Variants in L3MBTL4 observed in about 807,000 individuals in gnomAD.
L3MBTL4 encodes the protein L3MBTL histone methyl-lysine binding protein 4.
A neutral mutation model predicts 84.5 loss-of-function variants in L3MBTL4; 70 were observed. The observed-to-expected ratio is 0.83, with a 90% CI of 0.68 to 1.01. The LOEUF (loss-of-function observed/expected upper bound fraction) is 1.01, where lower values mean the gene tolerates loss of function less well. L3MBTL4 is among the 50% of genes least tolerant of loss of function. The pLI is 0.00. For synonymous variants in L3MBTL4, 274 were observed against 259.8 expected, an observed-to-expected ratio of 1.05 and a Z score of -0.52; for missense variants, 715 against 754.8, an observed-to-expected ratio of 0.95 and a Z score of 0.62.
chr18:6,006,487 G>C (rs2054493544), intron 16 of L3MBTL4, among the ~76,000 whole-genome samples: 1 of 152,160 alleles, frequency 6.6e-6, no homozygotes, highest in Admixed American at 6.5e-5. Context: ...GTAAAATCTG[G>C]TGTGAAGGGG....
chr18:6,350,827 T>C (rs2053147597), intron 1 of L3MBTL4, among the ~76,000 whole-genome samples: 1 of 152,184 alleles, frequency 6.6e-6, no homozygotes, highest in African/African-American at 2.4e-5. Flanking sequence ...ACAACCTACA[T>C]GTCCATTATG....
At chr18:6,222,648 C>T (rs1269502198) in intron 10 of L3MBTL4, among the ~76,000 whole-genome samples, 1 of 152,158 alleles carries the variant, frequency 6.6e-6, no homozygotes, top group Non-Finnish European at 1.5e-5. Context: ...TCATATTCCA[C>T]TGAGTGACAC....
At chr18:6,331,797 C>G (rs1340973740) in intron 1 of L3MBTL4, among the ~76,000 whole-genome samples, 2 of 151,998 alleles carry the variant, frequency 1.3e-5, no homozygotes, top group Admixed American at 1.3e-4. Context: ...AATAAGTTTA[C>G]TTTTTAGAAG....
intron 14 of L3MBTL4, among the ~76,000 whole-genome samples, chr18:6,114,686 C>CT (rs1368228503): frequency 1.3e-5 from 2 of 152,084 alleles, no homozygotes; most frequent in Admixed American, 6.6e-5. Flanking sequence ...TATCTGAAAC[C>CT]TTTTTTCCAT....
At chr18:6,109,517 A>T (rs140829581) in intron 14 of L3MBTL4, among the ~76,000 whole-genome samples, 1 of 152,100 alleles carries the variant, frequency 6.6e-6, no homozygotes. Context: ...CTAATAGGCT[A>T]CATGCTCTTC....
intron 16 of L3MBTL4, among the ~76,000 whole-genome samples, chr18:6,061,492 A>G (rs1027485499): frequency 6.6e-6 from 1 of 152,010 alleles, no homozygotes; most frequent in African/African-American, 2.4e-5. Context: ...TAGTTTTAAT[A>G]AAGTCCAACT....
chr18:5,974,578 C>T (rs551224234), intron 16 of L3MBTL4, among the ~76,000 whole-genome samples: 31 of 152,310 alleles, frequency 2.0e-4, no homozygotes, highest in African/African-American at 7.0e-4. Flanking sequence ...TTGTGGACAG[C>T]GTGTGACCTA....
chr18:6,291,101 T>G (rs1046144039), intron 4 of L3MBTL4, among the ~76,000 whole-genome samples: 5 of 152,174 alleles, frequency 3.3e-5, no homozygotes, highest in African/African-American at 1.2e-4. Context: ...GTAGACAGCT[T>G]TTCTCAAGAT....
At chr18:6,077,043 G>A (rs1200050859) in intron 16 of L3MBTL4, among the ~76,000 whole-genome samples, 1 of 152,128 alleles carries the variant, frequency 6.6e-6, no homozygotes, top group African/African-American at 2.4e-5. Flanking sequence ...AGCAGGTTCT[G>A]TCCCATTCTC....
At position 6,244,448 on chromosome 18, in the gene L3MBTL4, A is replaced by G. The variant is rs748650241; in HGVS notation, c.324+36T>C. The G allele has an allele frequency of 2.4e-6, 3 of 1,262,066 alleles. No homozygotes were observed. The South Asian group carries it at 3.9e-5, about 16-fold the overall frequency. 78.2% of individuals were successfully genotyped at this position (1,262,066 alleles called of 1,614,324 possible). On this transcript the variant is annotated intron_variant, in intron 6 of 18. Transcript: ENST00000317931. ...TCTAGAAAATTATCTTTCTGTCACTAGGCAATTAGCCCAAGACAGTAACAC... is the reference window on the plus strand; with the variant it reads ...TCTAGAAAATTATCTTTCTGTCACTGGGCAATTAGCCCAAGACAGTAACAC...
chr18:6,404,773 G>T (rs1489965986), intron 1 of L3MBTL4, among the ~76,000 whole-genome samples: 3 of 152,200 alleles, frequency 2.0e-5, no homozygotes, highest in Non-Finnish European at 4.4e-5. Context: ...TGCTGCCTCG[G>T]TCTCCTGGGC....
chr18:6,030,022 G>A (rs981995617), intron 16 of L3MBTL4: 6 of 985,308 alleles, frequency 6.1e-6, no homozygotes, highest in African/African-American at 1.7e-5. Context: ...GCAGGGACTG[G>A]TCACTTATAG....
chr18:6,176,333 C>T (rs971458880), intron 12 of L3MBTL4, among the ~76,000 whole-genome samples: 1 of 152,046 alleles, frequency 6.6e-6, no homozygotes, highest in African/African-American at 2.4e-5. Flanking sequence ...TTATTAGGAC[C>T]ATGTTGTACT....
chr18:5,985,021 T>G (rs900202029), intron 16 of L3MBTL4, among the ~76,000 whole-genome samples: 8 of 151,900 alleles, frequency 5.3e-5, no homozygotes, highest in African/African-American at 1.9e-4. Flanking sequence ...AACAGCACTA[T>G]GGGAAGGAGG....
intron 13 of L3MBTL4, among the ~76,000 whole-genome samples, chr18:6,158,468 G>A (rs1191752542): frequency 6.6e-6 from 1 of 152,050 alleles, no homozygotes; most frequent in Non-Finnish European, 1.5e-5. Flanking sequence ...AAGAGTTTGT[G>A]TTCACCAATT....
chr18:6,218,413 C>T (rs1164552938), intron 10 of L3MBTL4, among the ~76,000 whole-genome samples: 1 of 152,120 alleles, frequency 6.6e-6, no homozygotes, highest in African/African-American at 2.4e-5. Context: ...GCTTCTTCAC[C>T]CAGGCACCTG....
intron 16 of L3MBTL4, among the ~76,000 whole-genome samples, chr18:6,017,245 T>C (rs2055033312): frequency 6.6e-6 from 1 of 152,170 alleles, no homozygotes; most frequent in African/African-American, 2.4e-5. Context: ...GCAAAATGGA[T>C]TTAAATGCAG....
At chr18:6,014,386 T>C (rs2054868108) in intron 16 of L3MBTL4, among the ~76,000 whole-genome samples, 1 of 152,194 alleles carries the variant, frequency 6.6e-6, no homozygotes, top group Admixed American at 6.5e-5. Flanking sequence ...AAATTGTTAC[T>C]GAGCACACAA....
At chr18:6,187,428 T>C (rs541110033) in intron 12 of L3MBTL4, among the ~76,000 whole-genome samples, 1 of 152,218 alleles carries the variant, frequency 6.6e-6, no homozygotes, top group Non-Finnish European at 1.5e-5. Flanking sequence ...AAAATCTATG[T>C]TTCTATTTAC....
Sources: allele counts gnomAD v4.1 joint callset (sites outside exome capture counted in the v4.1 genomes callset), GRCh38; gene constraint gnomAD v4.1.1; transcripts MANE v1.5; gene names NCBI Gene and HGNC (gene_info 2026-07-23, HGNC 2026-07-21).